Variants in PCDHGA3 observed in about 807,000 individuals in gnomAD.
The protein encoded by PCDHGA3 is protocadherin gamma-A3.
Under a neutral mutation model 58.5 loss-of-function variants are expected in PCDHGA3, and 40 were observed. The observed-to-expected ratio is 0.68, with a 90% CI of 0.53 to 0.89. The LOEUF is 0.89. Ranked by LOEUF, PCDHGA3 falls within the 40% of genes least tolerant of loss-of-function variation. PCDHGA3 has a pLI of 0.00. For synonymous variants in PCDHGA3, 530 were observed against 525.7 expected (o/e 1.01, Z -0.11); for missense variants, 1,223 against 1,195.9 (o/e 1.02, Z -0.33).
At position 141,511,219 on chromosome 5, in the gene PCDHGA3, G is replaced by A. The variant is rs1467284181; in HGVS notation, c.*46G>A. On this transcript the variant is annotated 3_prime_UTR_variant, in exon 4 of 4. Coordinates refer to ENST00000253812, the MANE Select transcript of PCDHGA3 (RefSeq NM_018916.4). ...CCACAGGGCGGCCTCTCCCCAACCA[G>A]CCCAGCTTCTCCTTACCTGCACCCA... 5 of 1,606,366 alleles carry A rather than the reference G, an allele frequency of 3.1e-6. No individual in the cohort carries two copies. The highest frequency in any genetic ancestry group is 2.7e-5 in the African/African-American group (2 of 74,686).
chr5:141,395,107 A>G (rs2093174446), intron 1 of PCDHGA3: 1 of 1,614,212 alleles, frequency 6.2e-7, no homozygotes, highest in African/African-American at 1.3e-5. Context: ...GACTCGCGGA[A>G]GAGTCACCTG....
At chr5:141,478,528 G>A (rs1013766552) in intron 1 of PCDHGA3, 1 of 1,609,730 alleles carries the variant, frequency 6.2e-7, no homozygotes, top group Non-Finnish European at 8.5e-7. Context: ...TGGGTGCAGA[G>A]AGCGCCCCTC....
chr5:141,507,609 A>G (rs2099862010), intron 3 of PCDHGA3, among the ~76,000 whole-genome samples: 1 of 152,260 alleles, frequency 6.6e-6, no homozygotes, highest in Non-Finnish European at 1.5e-5. Context: ...ATAAACAGGT[A>G]TATTTAGCTG....
chr5:141,482,967 AGCAGCTACTT>A (rs2099575323), intron 1 of PCDHGA3, among the ~76,000 whole-genome samples: 1 of 58,122 alleles, frequency 1.7e-5, no homozygotes, highest in African/African-American at 2.6e-4. Flanking sequence ...CAGCTACTTG[AGCAGCTACTT>A]GAGAGGTCGA....
At chr5:141,354,044 T>G (rs1441545131) in intron 1 of PCDHGA3, among the ~76,000 whole-genome samples, 2 of 152,356 alleles carry the variant, frequency 1.3e-5, no homozygotes, top group African/African-American at 2.4e-5. Context: ...CGATGGCACA[T>G]GCAATGATAA....
chr5:141,351,300 C>G (rs1291549829), intron 1 of PCDHGA3: 1 of 1,613,856 alleles, frequency 6.2e-7, no homozygotes. Flanking sequence ...ACATTCATGT[C>G]CTTCTCTAAC....
intron 2 of PCDHGA3, 179 bp downstream of exon 2, chr5:141,495,044 T>C (rs2099758475): frequency 1.1e-6 from 1 of 944,572 alleles, no homozygotes; most frequent in Non-Finnish European, 1.3e-6. Flanking sequence ...AAGAGGCGAC[T>C]GCCCTGACTG....
intron 3 of PCDHGA3, among the ~76,000 whole-genome samples, chr5:141,509,065 T>A (rs1294546432): frequency 6.6e-6 from 1 of 152,018 alleles, no homozygotes; most frequent in Non-Finnish European, 1.5e-5. Context: ...AGCTCTCAGC[T>A]CCGGGGATTT....
At chr5:141,470,485 GAAT>G (rs2099231720) in intron 1 of PCDHGA3, among the ~76,000 whole-genome samples, 1 of 152,074 alleles carries the variant, frequency 6.6e-6, no homozygotes, top group Admixed American at 6.6e-5. Context: ...AACCCTCTGG[GAAT>G]AATATTAGGT....
At chr5:141,456,149 G>A (rs377506220) in intron 1 of PCDHGA3, among the ~76,000 whole-genome samples, 1 of 151,866 alleles carries the variant, frequency 6.6e-6, no homozygotes, top group East Asian at 1.9e-4. Flanking sequence ...CGCCCGCCTC[G>A]GCCTCCTAAA....
In PCDHGA3 at chr5:141,489,223, C is replaced by T. The variant is rs771455540; in HGVS notation, c.2425-5584C>T. The T allele has an allele frequency of 6.6e-7, 1 of 1,515,444 alleles. No homozygotes were observed. The highest frequency in any genetic ancestry group is 1.3e-5 in the South Asian group (1 of 75,776). 93.9% of individuals were successfully genotyped at this position (1,515,444 alleles called of 1,614,324 possible). A position where few individuals can be genotyped will look rare whatever the true frequency, so the allele number is the denominator to read the frequency against. The stretch of plus-strand genomic sequence containing the variant: ...CAGGACAGCACAGACTTACTCTCCA[C>T]AAAGGGACTTCTGGGTCATGGGGCC... On this transcript the variant is annotated intron_variant, in intron 1 of 3. Coordinates refer to ENST00000253812, the MANE Select transcript of PCDHGA3 (RefSeq NM_018916.4). The surrounding 1 kb of genome is among the most constrained non-coding windows in gnomAD (Gnocchi z 4.5).
chr5:141,418,990 G>A (rs1029969170), intron 1 of PCDHGA3: 1 of 1,613,784 alleles, frequency 6.2e-7, no homozygotes, highest in African/African-American at 1.3e-5. Flanking sequence ...AAGACTCAGG[G>A]GAAAATGGGG....
At chr5:141,356,034 G>A (rs374294861) in intron 1 of PCDHGA3, 39 of 1,613,910 alleles carry the variant, frequency 2.4e-5, no homozygotes, top group South Asian at 1.2e-4. Context: ...GAGACGTGAC[G>A]TATTCTTTCC....
intron 1 of PCDHGA3, chr5:141,362,285 T>C (rs780234982): frequency 6.2e-7 from 1 of 1,614,016 alleles, no homozygotes; most frequent in Non-Finnish European, 8.5e-7. Flanking sequence ...CGCCTGCGAC[T>C]CTCTTCCAGG....
chr5:141,366,199 G>A, intron 1 of PCDHGA3: 3 of 1,613,876 alleles, frequency 1.9e-6, no homozygotes, highest in Non-Finnish European at 2.5e-6. Flanking sequence ...GGCTGCACAC[G>A]GGCGAGGTGC....
In PCDHGA3 at chr5:141,490,673, C is replaced by T; in HGVS notation, c.2425-4134C>T. ...GGCTCCCTTCTTTGCACTGTGGCTG[C>T]CTCAGATCCAGACACTGGGGATAAT... On this transcript the variant is annotated intron_variant, in intron 1 of 3. Coordinates refer to ENST00000253812, the MANE Select transcript of PCDHGA3 (RefSeq NM_018916.4). This position sits in a 1 kb window ranked among gnomAD's most constrained non-coding sequence, Gnocchi z 5.4. 1.2e-6 allele frequency: 2 copies of T among 1,614,126 alleles called. No homozygotes were observed. The highest frequency in any genetic ancestry group is 1.7e-6 in the Non-Finnish European group (2 of 1,179,952).
intron 1 of PCDHGA3, among the ~76,000 whole-genome samples, chr5:141,460,983 GTATATA>G (rs59296681): frequency 0.23 from 32,081 of 137,558 alleles, 4,351 homozygotes; most frequent in African/African-American, 0.39. Context: ...GTGTGTGTGT[GTATATA>G]TATATATGTG....
intron 1 of PCDHGA3, chr5:141,479,186 T>C (rs956575218): frequency 3.3e-5 from 5 of 152,590 alleles, no homozygotes; most frequent in Admixed American, 3.3e-4. Flanking sequence ...GCTAGAAAAT[T>C]CAGAAAATAC....
intron 1 of PCDHGA3, chr5:141,421,044 C>CGCCT (rs891153203): frequency 6.4e-5 from 35 of 548,614 alleles, no homozygotes; most frequent in African/African-American, 6.0e-4. Context: ...CTCCCTCCCC[C>CGCCT]GCCTCTACCA....
Sources: allele counts gnomAD v4.1 joint callset (sites outside exome capture counted in the v4.1 genomes callset), GRCh38; gene constraint gnomAD v4.1.1; non-coding constraint Gnocchi (gnomAD v3.1); transcripts MANE v1.5; gene names NCBI Gene and HGNC (gene_info 2026-07-23, HGNC 2026-07-21).